Variants in MYO16 observed in about 807,000 individuals in gnomAD.
The protein encoded by MYO16 is unconventional myosin-XVI.
A neutral mutation model predicts 205.3 loss-of-function variants in MYO16; 94 were observed. That is an observed-to-expected ratio of 0.46 (90% CI 0.39 to 0.54). MYO16 has a LOEUF of 0.54. Ranked by LOEUF, MYO16 falls within the 20% of genes least tolerant of loss-of-function variation. The pLI, the probability that MYO16 is intolerant of heterozygous loss-of-function variation, is 0.00. For synonymous variants in MYO16, 988 were observed against 954.0 expected (o/e 1.04, Z -0.66); for missense variants, 2,315 against 2,387.5 (o/e 0.97, Z 0.63).
intron 21 of MYO16, among the ~76,000 whole-genome samples, chr13:108,996,932 C>T (rs1885019212): frequency 6.6e-6 from 1 of 152,132 alleles, no homozygotes; most frequent in African/African-American, 2.4e-5. Context: ...CCACTAAACA[C>T]ATACATGCAA....
Position 108,707,375 on chromosome 13 carries a change from TTGAC to T in MYO16, c.293-5283_293-5280del, listed in dbSNP as rs1300242475. 3.9e-5 allele frequency among the ~76,000 whole-genome samples: 6 copies of T among 152,198 alleles called. No homozygotes were observed. In the East Asian group the frequency reaches 9.6e-4, roughly 24 times the overall value. ...AACATAGGGATCAATGGACACATCT[TTGAC>T]TGCCTGAATTTAATAACCTGGTGAC... On this transcript the variant is annotated intron_variant, in intron 2 of 34. Transcript: ENST00000457511.
At chr13:108,611,974 T>C (rs1475686604) in intron 1 of MYO16, among the ~76,000 whole-genome samples, 3 of 77,072 alleles carry the variant, frequency 3.9e-5, no homozygotes, top group Non-Finnish European at 8.9e-5. Context: ...TTTTTTTTCT[T>C]TTTTTTTTTT....
chr13:108,970,576 A>T (rs1161154292), intron 20 of MYO16, among the ~76,000 whole-genome samples: 1 of 152,148 alleles, frequency 6.6e-6, no homozygotes, highest in African/African-American at 2.4e-5. Flanking sequence ...CCCAGTGTCG[A>T]GGTAAAATAG....
chr13:108,989,476 T>C (rs1884747262), intron 20 of MYO16, among the ~76,000 whole-genome samples: 1 of 152,210 alleles, frequency 6.6e-6, no homozygotes, highest in African/African-American at 2.4e-5. Flanking sequence ...GGATATATAA[T>C]TGGGGTTATT....
At chr13:108,929,491 A>C (rs577610379) in intron 16 of MYO16, among the ~76,000 whole-genome samples, 1 of 152,388 alleles carries the variant, frequency 6.6e-6, no homozygotes, top group South Asian at 2.1e-4. Flanking sequence ...TAGTACAACT[A>C]ATTTGAAGAA....
At chr13:109,092,119 A>G (rs747992483) in intron 27 of MYO16, among the ~76,000 whole-genome samples, 2 of 152,366 alleles carry the variant, frequency 1.3e-5, no homozygotes, top group Non-Finnish European at 1.5e-5. Flanking sequence ...GAAACAACAT[A>G]AGTTTTACTT....
chr13:108,794,381 G>A (rs891327847), intron 6 of MYO16, among the ~76,000 whole-genome samples: 1 of 152,146 alleles, frequency 6.6e-6, no homozygotes, highest in Admixed American at 6.5e-5. Context: ...ATATCTCTAG[G>A]TTGATATATT....
chr13:109,140,506 C>A lies in MYO16; in HGVS notation c.4294C>A (p.Pro1432Thr). 6.4e-7 allele frequency: 1 copy of A among 1,550,910 alleles called. No individual in the cohort carries two copies. Among genetic ancestry groups the A allele is most frequent in the South Asian group, 1.2e-5 (1 of 85,406 alleles). ...APPGDEDDSEPVYIEMLGHAA... is the reference protein window; with the variant it reads ...APPGDEDDSETVYIEMLGHAA... ...TCCGGGTGACGAGGACGACAGCGAG[C>A]CTGTGTACATCGAGATGCTGGGGCA... Residue 1432 changes from proline (P) to threonine (T), a missense_variant, in exon 32 of 35, where the codon CCT becomes ACT. This residue lies in a region of MYO16 where 1,097 missense variants were observed against 1,092.0 expected (regional missense o/e 1.00). Coordinates refer to ENST00000457511, the MANE Select transcript of MYO16 (RefSeq NM_001198950.3). This position sits in a 1 kb window ranked among gnomAD's most constrained non-coding sequence, Gnocchi z 8.0.
At chr13:108,890,279 A>G (rs774446536) in intron 14 of MYO16, among the ~76,000 whole-genome samples, 3 of 151,740 alleles carry the variant, frequency 2.0e-5, no homozygotes, top group Non-Finnish European at 4.4e-5. Flanking sequence ...TGAATATCCT[A>G]TTACTCCTAG....
intron 16 of MYO16, among the ~76,000 whole-genome samples, chr13:108,928,156 A>T (rs550221348): frequency 6.6e-6 from 1 of 152,264 alleles, no homozygotes; most frequent in Non-Finnish European, 1.5e-5. Flanking sequence ...AGCAGCTTCC[A>T]TGAAAGAGAG....
At chr13:109,157,274 A>C (rs11618532) in intron 32 of MYO16, among the ~76,000 whole-genome samples, 92,131 of 140,980 alleles carry the variant, frequency 0.65, 30,078 homozygotes, top group Admixed American at 0.72. Flanking sequence ...AAAAAACCTT[A>C]TTCTTCACAG....
intron 27 of MYO16, among the ~76,000 whole-genome samples, chr13:109,081,601 A>G (rs1396017449): frequency 6.6e-6 from 1 of 152,126 alleles, no homozygotes; most frequent in Non-Finnish European, 1.5e-5. Flanking sequence ...AGATGGACAC[A>G]TCCAAAAATG....
chr13:108,959,799 G>A (rs1472625935), intron 17 of MYO16, among the ~76,000 whole-genome samples: 2 of 152,086 alleles, frequency 1.3e-5, no homozygotes, highest in African/African-American at 4.8e-5. Flanking sequence ...TGCTCAGGAA[G>A]GAGTTTATTT....
At chr13:108,627,888 G>T (rs1879806368), upstream of MYO16, among the ~76,000 whole-genome samples, 1 of 152,000 alleles carries the variant, frequency 6.6e-6, no homozygotes, top group Non-Finnish European at 1.5e-5. Flanking sequence ...ATTTAAGGAA[G>T]GTATATAGGC....
At chr13:108,837,119 A>T (rs1876968759) in intron 9 of MYO16, among the ~76,000 whole-genome samples, 1 of 152,144 alleles carries the variant, frequency 6.6e-6, no homozygotes, top group Non-Finnish European at 1.5e-5. Context: ...ATCCAGTGGG[A>T]GGTAATTGAA....
intron 1 of MYO16, among the ~76,000 whole-genome samples, chr13:108,662,704 A>T (rs975286627): frequency 6.6e-6 from 1 of 152,166 alleles, no homozygotes; most frequent in East Asian, 1.9e-4. Context: ...TCCAACTTCC[A>T]GCTGCAAGAG....
chr13:109,062,812 C>G (rs1283986168), intron 27 of MYO16, among the ~76,000 whole-genome samples: 1 of 151,978 alleles, frequency 6.6e-6, no homozygotes, highest in Non-Finnish European at 1.5e-5. Context: ...TTATAAAAAA[C>G]AAAGCCTTGA....
In MYO16 at chr13:108,636,369, T is replaced by TTGTGTGTG. The variant is rs71125327; in HGVS notation, c.28+6529_28+6536dup. On this transcript the variant is annotated intron_variant, in intron 1 of 34. Coordinates refer to ENST00000457511, the MANE Select transcript of MYO16 (RefSeq NM_001198950.3). ...CCCTTTTTTTTTTTTTTTTTTTTTT[T>TTGTGTGTG]TGTGTGTGTGTGTGTGTGTGTGTGT... 9.8e-3 allele frequency among the ~76,000 whole-genome samples: 497 copies of TTGTGTGTG among 50,782 alleles called. 19 individuals carry two copies. The highest frequency in any genetic ancestry group is 0.015 in the Non-Finnish European group (358 of 23,426). The allele number at this position is 50,782 out of a possible 152,430, so 33.3% of individuals were successfully genotyped here. A position where few individuals can be genotyped will look rare whatever the true frequency, so the allele number is the denominator to read the frequency against.
chr13:109,160,712 CTT>C (rs1286059371), intron 32 of MYO16, among the ~76,000 whole-genome samples: 5 of 152,198 alleles, frequency 3.3e-5, no homozygotes, highest in African/African-American at 1.2e-4. Context: ...TTTGATGTGA[CTT>C]TTCTTCATTC....
Sources: gnomAD v4.1 joint callset for allele counts (sites outside exome capture counted in the v4.1 genomes callset) on GRCh38, gnomAD v4.1.1 for gene constraint, gnomAD v4.1.1 regional missense constraint, Gnocchi (gnomAD v3.1) non-coding constraint, MANE v1.5 for transcripts, NCBI Gene and HGNC (gene_info 2026-07-23, HGNC 2026-07-21) for gene names.